Variants in CD3E observed in about 807,000 individuals in gnomAD.
CD3E encodes the protein CD3 epsilon subunit of T-cell receptor complex.
In CD3E, 16 loss-of-function variants were observed where a neutral mutation model predicts 34.7. The observed-to-expected ratio is 0.46, with a 90% CI of 0.31 to 0.70. The LOEUF (loss-of-function observed/expected upper bound fraction) is 0.70, where lower values mean the gene tolerates loss of function less well. Ranked by LOEUF, CD3E falls within the 30% of genes least tolerant of loss-of-function variation. The pLI is 0.05. For synonymous variants in CD3E, 70 were observed against 90.8 expected (o/e 0.77, Z 1.30); for missense variants, 223 against 253.9 (o/e 0.88, Z 0.83).
chr11:118,309,675 A>G (rs1187886683), intron 4 of CD3E, among the ~76,000 whole-genome samples: 1 of 152,228 alleles, frequency 6.6e-6, no homozygotes, highest in Non-Finnish European at 1.5e-5. Flanking sequence ...TTTACTGAGC[A>G]TGTATGTTTT....
chr11:118,311,086 G>A (rs1423253950), intron 4 of CD3E, among the ~76,000 whole-genome samples: 1 of 152,206 alleles, frequency 6.6e-6, no homozygotes, highest in African/African-American at 2.4e-5. Context: ...TGAGGTTGGT[G>A]TTTTATCTCC....
intron 7 of CD3E, 89 bp from the exon 8 acceptor site, chr11:118,314,359 C>G: frequency 9.4e-7 from 1 of 1,068,902 alleles, no homozygotes; most frequent in Non-Finnish European, 1.4e-6. Context: ...TGGGGTTTGC[C>G]ATTCTCTATC....
chr11:118,312,820 A>G lies in CD3E; in HGVS notation c.306A>G (p.Gly102=), dbSNP rs1948143462. The part of the protein sequence containing the change: ...QSGYYVCYPR[G]SKPEDANFYL... ...GTTATTATGTCTGCTACCCCAGAGG[A>G]AGCAAACCAGAAGATGCGAACTTTT... The change falls in exon 6 of 9, where the codon GGA becomes GGG. Residue 102 remains glycine (G), a synonymous_variant. Transcript: ENST00000361763. 6.2e-7 allele frequency: 1 copy of G among 1,614,086 alleles called. No homozygotes were observed. The highest frequency in any genetic ancestry group is 1.3e-5 in the African/African-American group (1 of 74,932).
At chr11:118,308,324 G>A in intron 3 of CD3E, 103 bp from the exon 4 acceptor site, 3 of 811,380 alleles carry the variant, frequency 3.7e-6, no homozygotes, top group Non-Finnish European at 2.1e-6. Context: ...AAGATCCATT[G>A]TTTCCTAAGA....
intron 4 of CD3E, among the ~76,000 whole-genome samples, chr11:118,309,960 G>C (rs1010364865): frequency 6.6e-6 from 1 of 152,194 alleles, no homozygotes; most frequent in Non-Finnish European, 1.5e-5. Flanking sequence ...TCGAGCCTCT[G>C]TGGCAGAGAA....
chr11:118,315,207 C>T (rs1279335234), intron 8 of CD3E, among the ~76,000 whole-genome samples: 1 of 152,102 alleles, frequency 6.6e-6, no homozygotes, highest in Non-Finnish European at 1.5e-5. Flanking sequence ...CAGCCAAACA[C>T]GTAGTATTTA....
At chr11:118,314,028 C>T (rs537729890) in intron 7 of CD3E, among the ~76,000 whole-genome samples, 154 bp downstream of exon 7, 59 of 152,288 alleles carry the variant, frequency 3.9e-4, no homozygotes, top group African/African-American at 1.3e-3. Context: ...TCTCAACAGA[C>T]GGTTTCAAAT....
At position 118,313,689 on chromosome 11, in the gene CD3E, C is replaced by T. The variant is rs201572053; in HGVS notation, c.353-18C>T. Reference sequence around the variant, plus strand: ...CCTTGCTTAGTGATTTCCCCTCTCCCCACCCCACCCCCCACAGTGTGTGAG... The same window carrying T: ...CCTTGCTTAGTGATTTCCCCTCTCCTCACCCCACCCCCCACAGTGTGTGAG... On this transcript the variant is annotated intron_variant, in intron 6 of 8. Coordinates refer to ENST00000361763, the MANE Select transcript of CD3E (RefSeq NM_000733.4). 1.9e-5 allele frequency: 31 copies of T among 1,612,034 alleles called. No homozygotes were observed. The African/African-American group carries it at 4.1e-4, about 22-fold the overall frequency.
Position 118,312,647 on chromosome 11 carries a change from G to A in CD3E, c.133G>A (p.Val45Ile), listed in dbSNP as rs771023412. 6 of 1,614,122 alleles carry A rather than the reference G, an allele frequency of 3.7e-6. No homozygotes were observed. Among genetic ancestry groups the A allele is most frequent in the Non-Finnish European group, 5.1e-6 (6 of 1,179,984 alleles). Residue 45 changes from valine to isoleucine, a missense_variant, in exon 6 of 9, where the codon GTA (valine) becomes ATA (isoleucine). Physicochemically the swap from Val to Ile is conservative, Grantham distance 29 (BLOSUM62 3). Coordinates refer to ENST00000361763, the MANE Select transcript of CD3E (RefSeq NM_000733.4). ...PYKVSISGTTVILTCPQYPGS... is the reference protein window; with the variant it reads ...PYKVSISGTTIILTCPQYPGS... ...TAAAGTCTCCATCTCTGGAACCACA[G>A]TAATATTGACATGCCCTCAGTATCC...
rs1591267637 is a variant in CD3E at position 118,308,459 on chromosome 11, C to T, written c.85+18C>T. ...AGAAATGGGTAAGAAGATTTCCACT[C>T]TATCTAGCAAAAGTTTTCAAATATG... On this transcript the variant is annotated intron_variant, in intron 4 of 8. Transcript: ENST00000361763. 1 of 1,553,114 alleles carries T rather than the reference C, an allele frequency of 6.4e-7. No homozygotes were observed. Among genetic ancestry groups the T allele is most frequent in the East Asian group, 2.2e-5 (1 of 44,618 alleles).
chr11:118,314,551 A>T, intron 8 of CD3E, 57 bp downstream of exon 8: 1 of 1,519,660 alleles, frequency 6.6e-7, no homozygotes, highest in Non-Finnish European at 9.1e-7. Context: ...CCAGGGGGGA[A>T]GGAAACAGAT....
At chr11:118,312,447 C>T in intron 5 of CD3E, 171 bp from the exon 6 acceptor site, 1 of 806,216 alleles carries the variant, frequency 1.2e-6, no homozygotes, top group Non-Finnish European at 2.0e-6. Flanking sequence ...TCCCTTCATT[C>T]CACATATCTC....
Position 118,312,854 on chromosome 11 carries a change from C to A in CD3E, c.340C>A (p.Leu114Met). Residue 114 changes from leucine (L) to methionine (M), a missense_variant, in exon 6 of 9, where the codon CTG (leucine) becomes ATG (methionine). Transcript: ENST00000361763. ...KPEDANFYLY[L>M]RARVCENCME... is the part of the protein sequence containing the mutation. ...AGAAGATGCGAACTTTTATCTCTAC[C>A]TGAGGGCAAGAGGTAATCCAGGTCT... is the stretch of plus-strand genomic sequence containing the variant. 1 of 1,614,180 alleles carries A rather than the reference C, an allele frequency of 6.2e-7. No individual in the cohort carries two copies. The highest frequency in any genetic ancestry group is 1.1e-5 in the South Asian group (1 of 91,080).
At chr11:118,313,199 A>ATT (rs1454282349) in intron 6 of CD3E, 1 of 389,566 alleles carries the variant, frequency 2.6e-6, no homozygotes, top group Non-Finnish European at 4.8e-6. Context: ...CCAGAGATAA[A>ATT]TTTTTCAGAA....
Position 118,315,986 on chromosome 11 carries a change from C to G in CD3E, c.*444C>G, listed in dbSNP as rs201951699. 5 of 248,964 alleles carry G rather than the reference C, an allele frequency of 2.0e-5. No individual in the cohort carries two copies. Among genetic ancestry groups the G allele is most frequent in the African/African-American group, 9.0e-5 (4 of 44,474 alleles). The allele number at this position is 248,964 out of a possible 1,614,324, so 15.4% of individuals were successfully genotyped here. On this transcript the variant is annotated 3_prime_UTR_variant, in exon 9 of 9. Transcript: ENST00000361763. Reference sequence around the variant, plus strand: ...GTAAATGTTGACAGAGGCCCTGCCCCGTTCACAGATCCTGGCCCTGAGCCA... The same window carrying G: ...GTAAATGTTGACAGAGGCCCTGCCCGGTTCACAGATCCTGGCCCTGAGCCA...
intron 8 of CD3E, among the ~76,000 whole-genome samples, chr11:118,314,783 T>C (rs1948156419): frequency 6.6e-6 from 1 of 152,174 alleles, no homozygotes; most frequent in South Asian, 2.1e-4. Flanking sequence ...ATATTATATA[T>C]GCAAATTCTA....
At chr11:118,305,059 CCTTACCT>C in intron 2 of CD3E, 58 bp downstream of exon 2, 1 of 1,475,848 alleles carries the variant, frequency 6.8e-7, no homozygotes, top group Non-Finnish European at 9.5e-7. Context: ...AGGCTTACAG[CCTTACCT>C]GGCACTGCCT....
Position 118,315,511 on chromosome 11 carries a change from T to G in CD3E, c.593T>G (p.Leu198Arg), listed in dbSNP as rs754411015. 1 of 1,613,394 alleles carries G rather than the reference T, an allele frequency of 6.2e-7. No individual in the cohort carries two copies. The highest frequency in any genetic ancestry group is 8.5e-7 in the Non-Finnish European group (1 of 1,179,794). ...YEPIRKGQRD[L>R]YSGLNQRRI ...CCCATCCGGAAAGGCCAGCGGGACC[T>G]GTATTCTGGCCTGAATCAGAGACGC... is the stretch of plus-strand genomic sequence containing the variant. Residue 198 changes from leucine (L) to arginine (R), a missense_variant, in exon 9 of 9, where the codon CTG becomes CGG. Leu to Arg is a moderately radical substitution (Grantham distance 102). Coordinates refer to ENST00000361763, the MANE Select transcript of CD3E (RefSeq NM_000733.4).
rs201543770 is a variant in CD3E, at chr11:118,312,171, G to A, written c.103+1G>A. 2.3e-5 allele frequency: 37 copies of A among 1,611,166 alleles called. No individual in the cohort carries two copies. In the Middle Eastern group the frequency reaches 6.6e-4, roughly 29 times the overall value. On this transcript the variant is annotated splice_donor_variant, in intron 5 of 8. Coordinates refer to ENST00000361763, the MANE Select transcript of CD3E (RefSeq NM_000733.4). LOFTEE classifies it high-confidence loss of function. ...TTTTCAGGTGGTATTACACAGACAC[G>A]TGAGTTTATTGGTCTTTTATTTATG...
Sources: allele counts gnomAD v4.1 joint callset (sites outside exome capture counted in the v4.1 genomes callset), GRCh38; gene constraint gnomAD v4.1.1; transcripts MANE v1.5; gene names NCBI Gene and HGNC (gene_info 2026-07-23, HGNC 2026-07-21).